ZNF469: variants seen among roughly 807,000 people sequenced by gnomAD.
The protein encoded by ZNF469 is zinc finger protein 469.
A neutral mutation model predicts 1.0 loss-of-function variants in ZNF469; 1 was observed. That is an observed-to-expected ratio of 1.00 (90% confidence interval 0.35 to 4.73). ZNF469 has a LOEUF of 4.73. ZNF469 is among the 30% of genes most tolerant of loss of function. The pLI, the probability that ZNF469 is intolerant of heterozygous loss-of-function variation, is 0.16. For missense variants in ZNF469, 6,100 were observed against 5,356.3 expected, an observed-to-expected ratio of 1.14 and a Z score of -4.33; for synonymous variants, 2,703 against 2,363.4, an observed-to-expected ratio of 1.14 and a Z score of -4.17.
the ZNF469 span, among the ~76,000 whole-genome samples, chr16:88,233,058 G>A: frequency 6.6e-6 from 1 of 152,188 alleles, no homozygotes; most frequent in Non-Finnish European, 1.5e-5. Context: ...CCACGGCCCG[G>A]GGGAGCCTCT....
upstream of ZNF469, among the ~76,000 whole-genome samples, chr16:88,381,635 T>C (rs1004374116): frequency 2.0e-5 from 3 of 152,208 alleles, no homozygotes; most frequent in African/African-American, 7.2e-5. Context: ...GAAAGGGAGA[T>C]CCCAGGACCT....
the ZNF469 span, among the ~76,000 whole-genome samples, chr16:88,243,085 G>C: frequency 2.0e-5 from 3 of 152,218 alleles, no homozygotes; most frequent in Non-Finnish European, 2.9e-5. Context: ...CCCACTTTCC[G>C]CTGCTTTATC....
intron 1 of ZNF469, among the ~76,000 whole-genome samples, chr16:88,401,739 ATGGG>A (rs1904875389): frequency 1.5e-5 from 2 of 131,966 alleles, no homozygotes; most frequent in African/African-American, 5.8e-5. Flanking sequence ...GGGTGGATGG[ATGGG>A]TGATTGGATG....
At chr16:88,189,040 C>T in the ZNF469 span, among the ~76,000 whole-genome samples, 1 of 152,024 alleles carries the variant, frequency 6.6e-6, no homozygotes, top group African/African-American at 2.4e-5. The surrounding 1 kb of genome is among the most constrained non-coding windows in gnomAD (Gnocchi z 4.3). Flanking sequence ...GAATGTTCCC[C>T]AATGAGGGGA....
chr16:88,393,494 G>A (rs1396766107), intron 1 of ZNF469, among the ~76,000 whole-genome samples: 1 of 152,252 alleles, frequency 6.6e-6, no homozygotes, highest in African/African-American at 2.4e-5. Flanking sequence ...GCCGTAGGCG[G>A]GAGGTGCCTG....
the ZNF469 span, among the ~76,000 whole-genome samples, chr16:88,131,559 T>C: frequency 6.6e-6 from 1 of 152,204 alleles, no homozygotes; most frequent in Non-Finnish European, 1.5e-5. Context: ...GGGTCTCTCA[T>C]AGTCAGGCAG....
the ZNF469 span, among the ~76,000 whole-genome samples, chr16:88,187,113 G>A: frequency 6.6e-6 from 1 of 152,124 alleles, no homozygotes; most frequent in Non-Finnish European, 1.5e-5. Context: ...TGGCCAGCAG[G>A]TCAGGACTAG....
the ZNF469 span, among the ~76,000 whole-genome samples, chr16:88,323,054 G>C: frequency 1.3e-5 from 2 of 152,238 alleles, no homozygotes; most frequent in Non-Finnish European, 2.9e-5. Flanking sequence ...TGTGGACAGT[G>C]TGGATGGCAC....
chr16:88,326,629 A>G, the ZNF469 span, among the ~76,000 whole-genome samples: 35 of 152,276 alleles, frequency 2.3e-4, no homozygotes, highest in South Asian at 3.7e-3. Flanking sequence ...CATGGAGGTC[A>G]GGACCAGAGT....
chr16:88,337,859 C>T, the ZNF469 span, among the ~76,000 whole-genome samples: 4 of 152,190 alleles, frequency 2.6e-5, no homozygotes, highest in South Asian at 2.1e-4. Flanking sequence ...TTGAGTTGTG[C>T]GTGCTCTGTG....
At chr16:88,231,350 C>T in the ZNF469 span, among the ~76,000 whole-genome samples, 2 of 152,210 alleles carry the variant, frequency 1.3e-5, no homozygotes, top group African/African-American at 2.4e-5. The surrounding 1 kb of genome is among the most constrained non-coding windows in gnomAD (Gnocchi z 4.5). Context: ...AAAGAGAAGC[C>T]CCATCGCCCT....
At chr16:88,285,785 C>A in the ZNF469 span, among the ~76,000 whole-genome samples, 1 of 152,246 alleles carries the variant, frequency 6.6e-6, no homozygotes, top group Non-Finnish European at 1.5e-5. Context: ...CAGGGGCCAC[C>A]ATGTTGTCTG....
rs1224474464 is a variant in ZNF469 at position 88,436,421 on chromosome 16, C to T, written c.8951C>T (p.Pro2984Leu). ...LPSHCPEDDRPEAIPELHMVP... is the reference protein window; with the variant it reads ...LPSHCPEDDRLEAIPELHMVP... The stretch of plus-strand genomic sequence containing the variant: ...TCCCACTGCCCCGAGGACGATCGGC[C>T]GGAGGCCATTCCTGAGCTGCACATG... Residue 2984 changes from proline (P) to leucine (L), a missense_variant, in exon 3 of 3, where the codon CCG (proline) becomes CTG (leucine). Coordinates refer to ENST00000565624, the MANE Select transcript of ZNF469 (RefSeq NM_001367624.2). The T allele has an allele frequency of 2.6e-5, 41 of 1,548,858 alleles. No individual in the cohort carries two copies. Among genetic ancestry groups the T allele is most frequent in the East Asian group, 9.8e-5 (4 of 40,934 alleles).
chr16:88,337,916 T>C, the ZNF469 span, among the ~76,000 whole-genome samples: 1 of 152,194 alleles, frequency 6.6e-6, no homozygotes, highest in African/African-American at 2.4e-5. Flanking sequence ...TTTGCCAAAA[T>C]TTTCTCCTGC....
At chr16:88,199,359 C>T in the ZNF469 span, among the ~76,000 whole-genome samples, 8 of 152,326 alleles carry the variant, frequency 5.3e-5, no homozygotes, top group Non-Finnish European at 8.8e-5. Context: ...AATCCTGCCA[C>T]ACAGGGCAAA....
At chr16:88,402,516 C>T (rs1485722883) in intron 1 of ZNF469, among the ~76,000 whole-genome samples, 5 of 152,146 alleles carry the variant, frequency 3.3e-5, no homozygotes, top group Non-Finnish European at 4.4e-5. Flanking sequence ...TTTGAAGGCC[C>T]CTGTGGAGAG....
At position 88,428,751 on chromosome 16, in the gene ZNF469, G is replaced by GGCC; in HGVS notation, c.1285_1287dup (p.Ala429dup). 1 of 1,546,126 alleles carries GGCC rather than the reference G, an allele frequency of 6.5e-7. No homozygotes were observed. On this transcript the variant is annotated inframe_insertion, in exon 3 of 3. Transcript: ENST00000565624. ...GCCCGGGGCCTCCGGACACCGAGCT[G>GGCC]GCCGCCCCAGGGCCCCCACCCGCCA...
the ZNF469 span, among the ~76,000 whole-genome samples, chr16:88,140,425 A>C: frequency 0.01 from 1,267 of 126,128 alleles, no homozygotes; most frequent in African/African-American, 0.055. Flanking sequence ...GGGGGGTAGC[A>C]CGGAGGAAAG....
chr16:88,206,073 G>C, the ZNF469 span, among the ~76,000 whole-genome samples: 891 of 152,290 alleles, frequency 5.9e-3, 1 homozygote, highest in Middle Eastern at 0.02. Flanking sequence ...GGTGAGGGAG[G>C]GGGGAGCTGT....
Sources: gnomAD v4.1 joint callset for allele counts (sites outside exome capture counted in the v4.1 genomes callset) on GRCh38, gnomAD v4.1.1 for gene constraint, Gnocchi (gnomAD v3.1) non-coding constraint, MANE v1.5 for transcripts, NCBI Gene and HGNC (gene_info 2026-07-23, HGNC 2026-07-21) for gene names.